Variants in FILIP1 observed in about 807,000 individuals in gnomAD.
The protein encoded by FILIP1 is filamin-A-interacting protein 1.
A neutral mutation model predicts 102.1 loss-of-function variants in FILIP1; 61 were observed. The ratio of observed to expected loss-of-function variants is 0.60; its 90% confidence interval spans 0.49 to 0.74. The LOEUF (loss-of-function observed/expected upper bound fraction) is 0.74, where lower values mean the gene tolerates loss of function less well. Among genes scored for constraint, FILIP1 ranks in the 30% least tolerant of loss-of-function variants. FILIP1 has a pLI of 0.00. For missense variants in FILIP1, 1,314 were observed against 1,441.2 expected, an observed-to-expected ratio of 0.91 and a Z score of 1.43; for synonymous variants, 491 against 526.9, an observed-to-expected ratio of 0.93 and a Z score of 0.93.
At chr6:75,342,985 A>G (rs1160120524) in intron 4 of FILIP1, among the ~76,000 whole-genome samples, 4 of 152,194 alleles carry the variant, frequency 2.6e-5, no homozygotes, top group African/African-American at 9.7e-5. Context: ...GTGCCCCCCA[A>G]AATCCATATG....
intron 1 of FILIP1, among the ~76,000 whole-genome samples, chr6:75,452,479 G>A (rs576166692): frequency 6.6e-6 from 1 of 152,224 alleles, no homozygotes; most frequent in African/African-American, 2.4e-5. Context: ...TGGTGTATAT[G>A]TGCCACATTT....
At chr6:75,292,917 CG>C (rs1263459025) in exon 7 of FILIP1, 1 of 152,104 alleles carries the variant, frequency 6.6e-6, no homozygotes, top group Non-Finnish European at 1.5e-5. Flanking sequence ...ACTGCAGTAG[CG>C]CTGTTGTCTC....
intron 1 of FILIP1, among the ~76,000 whole-genome samples, chr6:75,484,408 AC>A (rs1309337683): frequency 5.9e-3 from 15 of 2,532 alleles, no homozygotes; most frequent in Non-Finnish European, 0.021. Context: ...CTTTTAAAGT[AC>A]TTTTAAAGTA....
chr6:75,484,826 G>A (rs1779739941), intron 1 of FILIP1, among the ~76,000 whole-genome samples: 1 of 152,148 alleles, frequency 6.6e-6, no homozygotes, highest in South Asian at 2.1e-4. Flanking sequence ...ATCAGACTAG[G>A]GGCAGATGTG....
chr6:75,332,991 A>G (rs1039784509), intron 4 of FILIP1, among the ~76,000 whole-genome samples: 73 of 152,346 alleles, frequency 4.8e-4, no homozygotes, highest in African/African-American at 1.7e-3. Flanking sequence ...TTTACTGTAA[A>G]GCTCTTAATT....
At chr6:75,467,347 T>A (rs1399611433) in intron 1 of FILIP1, among the ~76,000 whole-genome samples, 2 of 152,174 alleles carry the variant, frequency 1.3e-5, no homozygotes, top group Admixed American at 6.5e-5. Context: ...AATTTAAAGC[T>A]CAAATGACTA....
intron 1 of FILIP1, among the ~76,000 whole-genome samples, chr6:75,422,964 G>A (rs780051816): frequency 6.6e-5 from 10 of 152,048 alleles, no homozygotes; most frequent in African/African-American, 1.4e-4. Flanking sequence ...GTAAAGCAAC[G>A]GAGACAACTG....
chr6:75,388,402 T>C (rs1776171652), intron 2 of FILIP1, among the ~76,000 whole-genome samples: 1 of 152,242 alleles, frequency 6.6e-6, no homozygotes, highest in Non-Finnish European at 1.5e-5. Flanking sequence ...AAATAGTTTT[T>C]TCTAAGTCTG....
chr6:75,460,134 T>A (rs946152511), intron 1 of FILIP1, among the ~76,000 whole-genome samples: 7 of 152,190 alleles, frequency 4.6e-5, no homozygotes, highest in African/African-American at 1.7e-4. Context: ...TTGGAGCATG[T>A]CTAAGGATTC....
intron 4 of FILIP1, among the ~76,000 whole-genome samples, chr6:75,328,111 T>C (rs1032757017): frequency 3.3e-5 from 5 of 152,218 alleles, no homozygotes; most frequent in African/African-American, 9.6e-5. Flanking sequence ...GGGGAACCTA[T>C]GGATTTTTTT....
chr6:75,444,791 T>A (rs1013083122), intron 1 of FILIP1, among the ~76,000 whole-genome samples: 6 of 152,184 alleles, frequency 3.9e-5, no homozygotes, highest in Non-Finnish European at 1.5e-5. Flanking sequence ...ACTGCTCCTG[T>A]GTATATGTGT....
intron 2 of FILIP1, among the ~76,000 whole-genome samples, chr6:75,382,044 G>A (rs578166718): frequency 6.6e-6 from 1 of 152,228 alleles, no homozygotes; most frequent in African/African-American, 2.4e-5. Flanking sequence ...ACTGGGTAAT[G>A]TTTCCTGTAC....
chr6:75,312,467 G>C lies in FILIP1; in HGVS notation c.3365C>G (p.Ala1122Gly). ...PRNHLSSRPG[A>G]SKVTSTITIT... is the part of the protein sequence containing the mutation. ...GGTGATAGTGCTCGTCACTTTGCTT[G>C]CACCAGGCCGTGAGGAGAGGTGATT... Residue 1122 changes from alanine (A) to glycine (G), a missense_variant, in exon 5 of 6, where the codon GCA becomes GGA. Physicochemically the swap from Ala to Gly is moderately conservative, Grantham distance 60 (BLOSUM62 0). Around this residue, in one of 3 missense-constraint regions of FILIP1, gnomAD observed 816 missense variants for 913.1 expected, o/e 0.89. Transcript: ENST00000237172. 16 of 1,614,176 alleles carry C rather than the reference G, an allele frequency of 9.9e-6. No individual in the cohort carries two copies. Among genetic ancestry groups the C allele is most frequent in the South Asian group, 2.2e-5 (2 of 91,076 alleles).
At chr6:75,381,461 C>T (rs1288660759) in intron 2 of FILIP1, among the ~76,000 whole-genome samples, 2 of 152,118 alleles carry the variant, frequency 1.3e-5, no homozygotes, top group African/African-American at 2.4e-5. Context: ...AACTCCTGAC[C>T]TCGTTATCTG....
At chr6:75,365,176 G>C (rs1775288325) in intron 2 of FILIP1, among the ~76,000 whole-genome samples, 1 of 151,764 alleles carries the variant, frequency 6.6e-6, no homozygotes, top group Non-Finnish European at 1.5e-5. Flanking sequence ...AGCAGACATA[G>C]AATGTACTGT....
intron 2 of FILIP1, among the ~76,000 whole-genome samples, chr6:75,392,241 A>G (rs1340163265): frequency 6.6e-6 from 1 of 151,904 alleles, no homozygotes; most frequent in Non-Finnish European, 1.5e-5. Context: ...TTTCTTCATG[A>G]TTTTACTGGA....
At chr6:75,405,510 TATAA>T (rs1255961899) in intron 2 of FILIP1, among the ~76,000 whole-genome samples, 11 of 152,358 alleles carry the variant, frequency 7.2e-5, no homozygotes, top group Admixed American at 2.0e-4. Flanking sequence ...TTCACTTTGT[TATAA>T]ATAAAGTTTC....
At chr6:75,430,739 A>T (rs1234729337) in intron 1 of FILIP1, among the ~76,000 whole-genome samples, 1 of 152,218 alleles carries the variant, frequency 6.6e-6, no homozygotes, top group Non-Finnish European at 1.5e-5. Flanking sequence ...CTAATCCTGA[A>T]TAACTGCTAA....
At chr6:75,393,203 A>G (rs1776340455) in intron 2 of FILIP1, among the ~76,000 whole-genome samples, 1 of 152,204 alleles carries the variant, frequency 6.6e-6, no homozygotes, top group South Asian at 2.1e-4. Context: ...CACTGTCAAT[A>G]TAATAAAACT....
Sources: allele counts gnomAD v4.1 joint callset (sites outside exome capture counted in the v4.1 genomes callset), GRCh38; gene constraint gnomAD v4.1.1; regional missense constraint gnomAD v4.1.1; transcripts MANE v1.5; gene names NCBI Gene and HGNC (gene_info 2026-07-23, HGNC 2026-07-21).